GALE: variants seen among roughly 807,000 people sequenced by gnomAD.
GALE encodes UDP-glucose 4-epimerase.
Under a neutral mutation model 44.1 loss-of-function variants are expected in GALE, and 32 were observed. The observed-to-expected ratio is 0.73, with a 90% confidence interval of 0.55 to 0.97. The LOEUF is 0.97. Among genes scored for constraint, GALE ranks in the 50% least tolerant of loss-of-function variants. The pLI, the probability that GALE is intolerant of heterozygous loss-of-function variation, is 0.00. For synonymous variants in GALE, 182 were observed against 183.5 expected, an observed-to-expected ratio of 0.99 and a Z score of 0.06; for missense variants, 423 against 455.6, an observed-to-expected ratio of 0.93 and a Z score of 0.65.
At position 23,798,326 on chromosome 1, in the gene GALE, T is replaced by TG; in HGVS notation, c.238-97dup. On this transcript the variant is annotated intron_variant, in intron 4 of 11. Coordinates refer to ENST00000617979, the MANE Select transcript of GALE (RefSeq NM_001008216.2). This position sits in a 1 kb window ranked among gnomAD's most constrained non-coding sequence, Gnocchi z 4.5. ...CTGCACTCACCTTTTTTTTTTTTTT[T>TG]GACAGTCTCGCTCTGTTGTCCAGGC... The TG allele has an allele frequency of 1.2e-6, 1 of 854,948 alleles. No homozygotes were observed. The highest frequency in any genetic ancestry group is 1.9e-5 in the Admixed American group (1 of 51,324). The allele number at this position is 854,948 out of a possible 1,614,324, so 53.0% of individuals were successfully genotyped here.
rs368420588 is a variant in GALE at position 23,795,993 on chromosome 1, G to C, written c.1003C>G (p.Arg335Gly). 1 of 1,613,996 alleles carries C rather than the reference G, an allele frequency of 6.2e-7. No individual in the cohort carries two copies. The highest frequency in any genetic ancestry group is 1.3e-5 in the African/African-American group (1 of 75,046). ...CCTGAAGGATTCTGCTTCTGCCAGC[G>C]CCAGAGATCCTCACCTGCAACACGG... The part of the protein sequence containing the change: ...GLDRMCEDLW[R>G]WQKQNPSGFG... Residue 335 changes from arginine (R) to glycine (G), a missense_variant, in exon 12 of 12, where the codon CGC (arginine) becomes GGC (glycine). Arg to Gly is a moderately radical substitution (Grantham distance 125, BLOSUM62 -2). Coordinates refer to ENST00000617979, the MANE Select transcript of GALE (RefSeq NM_001008216.2).
rs759464695 is a variant in GALE, at chr1:23,798,672, C to A, written c.180G>T (p.Val60=). The A allele has an allele frequency of 1.9e-6, 3 of 1,613,806 alleles. No individual in the cohort carries two copies. The African/African-American group carries it at 4.0e-5, about 22-fold the overall frequency. The change falls in exon 4 of 12, where the codon GTG becomes GTT. Residue 60 remains valine, a synonymous_variant. Coordinates refer to ENST00000617979, the MANE Select transcript of GALE (RefSeq NM_001008216.2). This position sits in a 1 kb window ranked among gnomAD's most constrained non-coding sequence, Gnocchi z 4.5. ...CCAAAATGTCCATCTCCTCAAACTC[C>A]ACAGAGCGGCCTGTCAGCTCCTGGA... The part of the protein sequence containing the change: ...RRVQELTGRS[V]EFEEMDILDQ...
At chr1:23,800,151 C>A (rs1316381212) in intron 1 of GALE, 1 of 152,280 alleles carries the variant, frequency 6.6e-6, no homozygotes, top group Non-Finnish European at 1.5e-5. Context: ...AGTTGCCCTT[C>A]GGTCCCACAG....
rs1366416100 is a variant in GALE at position 23,797,772 on chromosome 1, C to A, written c.451G>T (p.Gly151Cys). 1 of 1,614,082 alleles carries A rather than the reference C, an allele frequency of 6.2e-7. No individual in the cohort carries two copies. Among genetic ancestry groups the A allele is most frequent in the South Asian group, 1.1e-5 (1 of 91,082 alleles). Residue 151 changes from glycine to cysteine, a missense_variant, in exon 6 of 12, where the codon GGT becomes TGT. Physicochemically the swap from Gly to Cys is radical, Grantham distance 159. Coordinates refer to ENST00000617979, the MANE Select transcript of GALE (RefSeq NM_001008216.2). ...TTGCCGTAAGGGTTGGTACAACCACCCGTGGGGTGGGCCTCATCAAGGGGC... is the reference window on the plus strand; with the variant it reads ...TTGCCGTAAGGGTTGGTACAACCACACGTGGGGTGGGCCTCATCAAGGGGC... ...YLPLDEAHPTGGCTNPYGKSK... is the reference protein window; with the variant it reads ...YLPLDEAHPTCGCTNPYGKSK...
Position 23,796,068 on chromosome 1 carries a change from C to G in GALE, c.989-61G>C. Reference sequence around the variant, plus strand: ...GTGGAATGCAGAGCCTCCCCCACCCCACAGCCCGCCCTGGGTGGGCATGCC... The same window carrying G: ...GTGGAATGCAGAGCCTCCCCCACCCGACAGCCCGCCCTGGGTGGGCATGCC... On this transcript the variant is annotated intron_variant, in intron 11 of 11. Coordinates refer to ENST00000617979, the MANE Select transcript of GALE (RefSeq NM_001008216.2). This position sits in a 1 kb window ranked among gnomAD's most constrained non-coding sequence, Gnocchi z 5.2. 1 of 1,604,106 alleles carries G rather than the reference C, an allele frequency of 6.2e-7. No individual in the cohort carries two copies. Among genetic ancestry groups the G allele is most frequent in the South Asian group, 1.1e-5 (1 of 90,690 alleles).
At position 23,797,702 on chromosome 1, in the gene GALE, G is replaced by A. The variant is rs1298817521; in HGVS notation, c.521C>T (p.Ala174Val). ...TGTCAAGGGGGCCCTCACCTTGTCT[G>A]CCTGGCACAGGTCCCGGATCATTTC... ...IEEMIRDLCQ[A>V]DKTWNAVLLR... is the part of the protein sequence containing the mutation. The change falls in exon 6 of 12, where the codon GCA becomes GTA. Residue 174 changes from alanine to valine, a missense_variant. Ala to Val is a moderately conservative substitution (Grantham distance 64). Coordinates refer to ENST00000617979, the MANE Select transcript of GALE (RefSeq NM_001008216.2). 1 of 1,614,080 alleles carries A rather than the reference G, an allele frequency of 6.2e-7. No homozygotes were observed. The highest frequency in any genetic ancestry group is 1.1e-5 in the South Asian group (1 of 91,078).
At chr1:23,799,087 C>A in intron 2 of GALE, 75 bp from the exon 3 acceptor site, 1 of 1,601,732 alleles carries the variant, frequency 6.2e-7, no homozygotes, top group Non-Finnish European at 8.5e-7. Context: ...GAATCCTGCC[C>A]CCTAAGCTCG....
chr1:23,795,766 G>A lies in GALE; in HGVS notation c.*183C>T. 1.6e-6 allele frequency: 1 copy of A among 643,226 alleles called. No homozygotes were observed. Among genetic ancestry groups the A allele is most frequent in the Non-Finnish European group, 2.8e-6 (1 of 356,032 alleles). The allele number at this position is 643,226 out of a possible 1,614,324, so 39.8% of individuals were successfully genotyped here. On this transcript the variant is annotated 3_prime_UTR_variant, in exon 12 of 12. Transcript: ENST00000617979. ...GACCCTGTGGAAGATAAGAGTTAGA[G>A]ACCTCGGCCTCCTGGTCAGTGGAGC...
rs1197145822 is a variant in GALE, at chr1:23,798,347, C to T, written c.238-117G>A. The T allele has an allele frequency of 3.8e-6, 3 of 784,268 alleles. No individual in the cohort carries two copies. Among genetic ancestry groups the T allele is most frequent in the South Asian group, 2.9e-5 (2 of 69,016 alleles). The allele number at this position is 784,268 out of a possible 1,614,324, so 48.6% of individuals were successfully genotyped here. A position where few individuals can be genotyped will look rare whatever the true frequency, so the allele number is the denominator to read the frequency against. On this transcript the variant is annotated intron_variant, in intron 4 of 11. Coordinates refer to ENST00000617979, the MANE Select transcript of GALE (RefSeq NM_001008216.2). The surrounding 1 kb of genome is among the most constrained non-coding windows in gnomAD (Gnocchi z 4.5). ...TTTTTGACAGTCTCGCTCTGTTGTC[C>T]AGGCTGGAGTACAGTGGTGCCATCT...
intron 6 of GALE, 93 bp from the exon 7 acceptor site, chr1:23,797,240 G>T: frequency 2.2e-6 from 2 of 890,586 alleles, no homozygotes; most frequent in Non-Finnish European, 1.8e-6. Flanking sequence ...CTGTTTTTTT[G>T]AGATGGAGTC....
In GALE at chr1:23,799,435, T is replaced by C. The variant is rs1467773975; in HGVS notation, c.-75A>G. Reference sequence around the variant, plus strand: ...TCCAAGGTGACTGAGGACTGGAGAGTCCTGGGCAGAAGGAAAATGGCAGCA... The same window carrying C: ...TCCAAGGTGACTGAGGACTGGAGAGCCCTGGGCAGAAGGAAAATGGCAGCA... On this transcript the variant is annotated splice_region_variant and 5_prime_UTR_variant, in exon 2 of 12. Coordinates refer to ENST00000617979, the MANE Select transcript of GALE (RefSeq NM_001008216.2). 3 of 304,224 alleles carry C rather than the reference T, an allele frequency of 9.9e-6. No homozygotes were observed. The highest frequency in any genetic ancestry group is 4.7e-5 in the Admixed American group (1 of 21,242). The allele number at this position is 304,224 out of a possible 1,614,324, so 18.8% of individuals were successfully genotyped here.
At position 23,796,897 on chromosome 1, in the gene GALE, A is replaced by G; in HGVS notation, c.688T>C (p.Tyr230His). The change falls in exon 8 of 12, where the codon TAT becomes CAT. Residue 230 changes from tyrosine to histidine, a missense_variant. Physicochemically the swap from Tyr to His is moderately conservative, Grantham distance 83. Transcript: ENST00000617979. The surrounding 1 kb of genome is among the most constrained non-coding windows in gnomAD (Gnocchi z 5.2). ...TCACCTGTGCCATCCTCTGTGTCAT[A>G]GTCATTGCCAAAGACATTCAGGGCC... ...REALNVFGND[Y>H]DTEDGTGVRD... 8 of 1,613,770 alleles carry G rather than the reference A, an allele frequency of 5.0e-6. No individual in the cohort carries two copies. The highest frequency in any genetic ancestry group is 5.1e-6 in the Non-Finnish European group (6 of 1,179,894).
In GALE at chr1:23,798,253, G is replaced by A. The variant is rs1639024582; in HGVS notation, c.238-23C>T. 2.5e-6 allele frequency: 4 copies of A among 1,571,598 alleles called. No homozygotes were observed. The highest frequency in any genetic ancestry group is 3.5e-6 in the Non-Finnish European group (4 of 1,141,642). Reference sequence around the variant, plus strand: ...GTACTGCAGGGGTGACATGGCCAGAGGTTGCTCTACTGGTTTTAGTCCTTG... The same window carrying A: ...GTACTGCAGGGGTGACATGGCCAGAAGTTGCTCTACTGGTTTTAGTCCTTG... On this transcript the variant is annotated intron_variant, in intron 4 of 11. Transcript: ENST00000617979. This position sits in a 1 kb window ranked among gnomAD's most constrained non-coding sequence, Gnocchi z 4.5.
rs1638984968 is a variant in GALE, at chr1:23,797,142, C to T, written c.534G>A (p.Trp178Ter). The stretch of plus-strand genomic sequence containing the variant: ...TGAAATAGCGCAGCAGCACTGCGTT[C>T]CAAGTCTGTGGGATGTGGGTCAGGT... ...IRDLCQADKT[W>*]NAVLLRYFNP... is the part of the protein sequence containing the mutation. Residue 178 changes from tryptophan to a stop codon, truncating the protein, a stop_gained, in exon 7 of 12, where the codon TGG (tryptophan) becomes TGA (stop). Coordinates refer to ENST00000617979, the MANE Select transcript of GALE (RefSeq NM_001008216.2). LOFTEE classifies it high-confidence loss of function. 2.5e-6 allele frequency: 4 copies of T among 1,605,758 alleles called. No homozygotes were observed. The highest frequency in any genetic ancestry group is 3.4e-6 in the Non-Finnish European group (4 of 1,176,300).
At position 23,796,303 on chromosome 1, in the gene GALE, G is replaced by C; in HGVS notation, c.874-38C>G. ...AGGTAGTTGGAGCTTAGCTGAGCCG[G>C]CCCTGGCCCAGCTGCTGGCCAGGTC... On this transcript the variant is annotated intron_variant, in intron 10 of 11. Transcript: ENST00000617979. The surrounding 1 kb of genome is among the most constrained non-coding windows in gnomAD (Gnocchi z 5.2). The C allele has an allele frequency of 6.3e-7, 1 of 1,586,678 alleles. No individual in the cohort carries two copies. The highest frequency in any genetic ancestry group is 8.7e-7 in the Non-Finnish European group (1 of 1,154,954).
chr1:23,796,408 A>G lies in GALE; in HGVS notation c.873+101T>C. 7.1e-7 allele frequency: 1 copy of G among 1,415,444 alleles called. No homozygotes were observed. The highest frequency in any genetic ancestry group is 9.8e-7 in the Non-Finnish European group (1 of 1,017,334). The allele number at this position is 1,415,444 out of a possible 1,614,324, so 87.7% of individuals were successfully genotyped here. A position where few individuals can be genotyped will look rare whatever the true frequency, so the allele number is the denominator to read the frequency against. On this transcript the variant is annotated intron_variant, in intron 10 of 11. Transcript: ENST00000617979. This position sits in a 1 kb window ranked among gnomAD's most constrained non-coding sequence, Gnocchi z 5.2. ...CAGGCTGAGGAGACTGGGCAGTGCC[A>G]GGTACCCTCCAGAGAGGTGAGTGGG...
Position 23,798,344 on chromosome 1 carries a change from G to C in GALE, c.238-114C>G. 1 of 784,040 alleles carries C rather than the reference G, an allele frequency of 1.3e-6. No homozygotes were observed. 48.6% of individuals were successfully genotyped at this position (784,040 alleles called of 1,614,324 possible). Reference sequence around the variant, plus strand: ...TTTTTTTTGACAGTCTCGCTCTGTTGTCCAGGCTGGAGTACAGTGGTGCCA... The same window carrying C: ...TTTTTTTTGACAGTCTCGCTCTGTTCTCCAGGCTGGAGTACAGTGGTGCCA... On this transcript the variant is annotated intron_variant, in intron 4 of 11. Coordinates refer to ENST00000617979, the MANE Select transcript of GALE (RefSeq NM_001008216.2). The surrounding 1 kb of genome is among the most constrained non-coding windows in gnomAD (Gnocchi z 4.5).
chr1:23,798,708 GCT>G lies in GALE; in HGVS notation c.142_143del (p.Ser48ProfsTer15), dbSNP rs1468985255. ...CTGTCAGCTCCTGGACCCGCCGCAG[GCT>G]CTCAGGCAGGGAGCCCCCTCCTGGT... ...AFRGGGSLPE[S>X]LRRVQELTGR... is the part of the protein sequence containing the mutation. On this transcript the variant is annotated frameshift_variant, in exon 4 of 12. Transcript: ENST00000617979. LOFTEE classifies it high-confidence loss of function. This position sits in a 1 kb window ranked among gnomAD's most constrained non-coding sequence, Gnocchi z 4.5. 1.2e-6 allele frequency: 2 copies of G among 1,613,988 alleles called. No homozygotes were observed. Among genetic ancestry groups the G allele is most frequent in the Non-Finnish European group, 1.7e-6 (2 of 1,179,888 alleles).
chr1:23,798,149 C>T lies in GALE; in HGVS notation c.319G>A (p.Val107Ile), dbSNP rs770332379. ...SVQKPLDYYR[V>I]NLTGTIQLLE... ...AGCTGGATGGTCCCGGTCAGGTTAA[C>T]TCTGTAATAATCCAGAGGCTTCTGC... The change falls in exon 5 of 12, where the codon GTT (valine) becomes ATT (isoleucine). Residue 107 changes from valine (V) to isoleucine (I), a missense_variant. Transcript: ENST00000617979. The surrounding 1 kb of genome is among the most constrained non-coding windows in gnomAD (Gnocchi z 4.5). The T allele has an allele frequency of 5.3e-5, 86 of 1,614,066 alleles. No individual in the cohort carries two copies. The highest frequency in any genetic ancestry group is 6.8e-5 in the Non-Finnish European group (80 of 1,180,000).
Sources: gnomAD v4.1 joint callset for allele counts on GRCh38, gnomAD v4.1.1 for gene constraint, Gnocchi (gnomAD v3.1) non-coding constraint, MANE v1.5 for transcripts, NCBI Gene and HGNC (gene_info 2026-07-23, HGNC 2026-07-21) for gene names.